Variants in AGBL4 observed in about 807,000 individuals in gnomAD.
AGBL4 encodes AGBL carboxypeptidase 4.
In AGBL4, 58 loss-of-function variants were observed where a neutral mutation model predicts 66.4. The ratio of observed to expected loss-of-function variants is 0.87; its 90% CI spans 0.71 to 1.09. The LOEUF (loss-of-function observed/expected upper bound fraction) is 1.09, where lower values mean the gene tolerates loss of function less well. AGBL4 is among the 50% of genes least tolerant of loss of function. The probability of loss-of-function intolerance (pLI) is 0.00; values close to 1 mark genes in which losing one functional copy is unlikely to be tolerated. For synonymous variants in AGBL4, 234 were observed against 222.9 expected (o/e 1.05, Z -0.44); for missense variants, 579 against 631.0 (o/e 0.92, Z 0.88).
intron 3 of AGBL4, among the ~76,000 whole-genome samples, chr1:49,415,868 A>T (rs2148633938): frequency 6.6e-6 from 1 of 152,254 alleles, no homozygotes; most frequent in African/African-American, 2.4e-5. Context: ...ATTCAAAATA[A>T]GATCAAGAAA....
chr1:48,707,570 T>C (rs1215976560), intron 6 of AGBL4, among the ~76,000 whole-genome samples: 2 of 152,198 alleles, frequency 1.3e-5, no homozygotes, highest in Non-Finnish European at 2.9e-5. Context: ...AAATAGCCTC[T>C]TGAATTATAA....
chr1:49,136,346 G>C (rs1241189314), intron 4 of AGBL4, among the ~76,000 whole-genome samples: 1 of 152,132 alleles, frequency 6.6e-6, no homozygotes. Context: ...CCATTTTACT[G>C]ACAAGGAATG....
At chr1:49,615,272 C>T (rs953358238) in intron 3 of AGBL4, among the ~76,000 whole-genome samples, 6 of 152,124 alleles carry the variant, frequency 3.9e-5, no homozygotes, top group African/African-American at 1.4e-4. Flanking sequence ...GGTCATGGAA[C>T]TTGTCTATAT....
intron 5 of AGBL4, among the ~76,000 whole-genome samples, chr1:48,897,260 T>C (rs1427329659): frequency 6.6e-6 from 1 of 152,210 alleles, no homozygotes; most frequent in African/African-American, 2.4e-5. Flanking sequence ...GTACTTGGCT[T>C]ATTTAACATA....
Position 49,420,476 on chromosome 1 carries a change from G to A in AGBL4, c.283-174612C>T, listed in dbSNP as rs372945954. Among the ~76,000 whole-genome samples the A allele has an allele frequency of 3.5e-4, 53 of 152,066 alleles. 1 individual carries two copies. The South Asian group carries it at 9.8e-3, about 28-fold the overall frequency. On this transcript the variant is annotated intron_variant, in intron 3 of 13. Coordinates refer to ENST00000371839, the MANE Select transcript of AGBL4 (RefSeq NM_032785.4). ...AGCACGTTGGGAGGCCAAGACGGGC[G>A]GATCACGAGGTCAGGAGATTGAGAC...
In AGBL4 at chr1:48,781,921, T is replaced by G. The variant is rs189960194; in HGVS notation, c.634+85270A>C. ...ATAATTGTAATACCTATTTTTTCTCTAAAGCTTATAAATCATGCATGCCAG... is the reference window on the plus strand; with the variant it reads ...ATAATTGTAATACCTATTTTTTCTCGAAAGCTTATAAATCATGCATGCCAG... On this transcript the variant is annotated intron_variant, in intron 6 of 13. Coordinates refer to ENST00000371839, the MANE Select transcript of AGBL4 (RefSeq NM_032785.4). Among the ~76,000 whole-genome samples the G allele has an allele frequency of 4.2e-3, 638 of 152,362 alleles. 1 individual carries two copies. The highest frequency in any genetic ancestry group is 0.015 in the African/African-American group (605 of 41,576).
At chr1:49,633,954 AT>A (rs67650622) in intron 3 of AGBL4, among the ~76,000 whole-genome samples, 20,448 of 148,338 alleles carry the variant, frequency 0.14, 1,562 homozygotes, top group African/African-American at 0.2. Flanking sequence ...TATTAAAATA[AT>A]TTTTTTTCAT....
chr1:48,942,442 C>T (rs1327001292), intron 5 of AGBL4, among the ~76,000 whole-genome samples: 1 of 152,104 alleles, frequency 6.6e-6, no homozygotes, highest in Non-Finnish European at 1.5e-5. Flanking sequence ...TCAGATTCCT[C>T]ATCTGTTAAA....
intron 6 of AGBL4, among the ~76,000 whole-genome samples, chr1:48,799,018 T>C (rs1280826362): frequency 6.6e-6 from 1 of 152,182 alleles, no homozygotes; most frequent in Non-Finnish European, 1.5e-5. Flanking sequence ...TGGTTCCATA[T>C]GAATTTTAGG....
chr1:49,321,769 C>T (rs1019733166), intron 3 of AGBL4, among the ~76,000 whole-genome samples: 6 of 152,160 alleles, frequency 3.9e-5, no homozygotes, highest in East Asian at 1.9e-4. Flanking sequence ...ACTCACTATA[C>T]CGAGTTCTCC....
chr1:48,583,775 A>G (rs893913767), intron 11 of AGBL4: 1 of 151,506 alleles, frequency 6.6e-6, no homozygotes. Flanking sequence ...ATTTCTTTTT[A>G]TGATTGGGAC....
At chr1:48,594,580 C>T (rs1033126242) in intron 9 of AGBL4, among the ~76,000 whole-genome samples, 3 of 152,072 alleles carry the variant, frequency 2.0e-5, no homozygotes, top group African/African-American at 4.8e-5. Context: ...TGATTTTTGA[C>T]ACAGTTTATC....
At chr1:49,228,442 A>ATTTTCAATAGGATAAG (rs1553168690) in intron 4 of AGBL4, among the ~76,000 whole-genome samples, 1 of 152,194 alleles carries the variant, frequency 6.6e-6, no homozygotes, top group African/African-American at 2.4e-5. Context: ...GTGCTTTGAA[A>ATTTTCAATAGGATAAG]TTTTCAATAG....
At chr1:49,647,223 T>A (rs1040998367) in intron 3 of AGBL4, among the ~76,000 whole-genome samples, 1 of 152,062 alleles carries the variant, frequency 6.6e-6, no homozygotes, top group Non-Finnish European at 1.5e-5. Context: ...GGCTTCCCAT[T>A]TCCAGCCTAG....
At chr1:49,377,251 A>T (rs913755336) in intron 3 of AGBL4, among the ~76,000 whole-genome samples, 4 of 152,140 alleles carry the variant, frequency 2.6e-5, no homozygotes, top group Non-Finnish European at 5.9e-5. Flanking sequence ...TAGAAAAATC[A>T]GGACAGTAAT....
chr1:49,340,733 G>A (rs748254034), intron 3 of AGBL4, among the ~76,000 whole-genome samples: 1 of 152,172 alleles, frequency 6.6e-6, no homozygotes, highest in Non-Finnish European at 1.5e-5. Flanking sequence ...AAATGAGGCT[G>A]AGACCTGCTG....
At chr1:49,254,952 C>T (rs1570231463) in intron 3 of AGBL4, among the ~76,000 whole-genome samples, 1 of 152,122 alleles carries the variant, frequency 6.6e-6, no homozygotes, top group Admixed American at 6.6e-5. Flanking sequence ...GAACAACTGG[C>T]CAGCCATATG....
intron 2 of AGBL4, among the ~76,000 whole-genome samples, chr1:49,721,687 T>G (rs1478689521): frequency 6.6e-6 from 1 of 152,116 alleles, no homozygotes; most frequent in Non-Finnish European, 1.5e-5. Context: ...GTAATAATAC[T>G]TAGCACTATA....
chr1:48,651,540 C>T (rs749596686), intron 8 of AGBL4, among the ~76,000 whole-genome samples: 33 of 152,208 alleles, frequency 2.2e-4, no homozygotes, highest in Admixed American at 4.6e-4. Context: ...GCTAACAGTA[C>T]ACTCTGTCCA....
Sources: gnomAD v4.1 joint callset for allele counts (sites outside exome capture counted in the v4.1 genomes callset) on GRCh38, gnomAD v4.1.1 for gene constraint, MANE v1.5 for transcripts, NCBI Gene and HGNC (gene_info 2026-07-23, HGNC 2026-07-21) for gene names.